The following SHTN1 variants were observed in gnomAD, a reference collection of about 807,000 sequenced individuals.
The protein encoded by SHTN1 is shootin-1.
SHTN1 carries 42 observed loss-of-function variants against 83.1 expected under a neutral mutation model. The observed-to-expected ratio is 0.51, with a 90% CI of 0.39 to 0.65. The LOEUF (loss-of-function observed/expected upper bound fraction) is 0.65, where lower values mean the gene tolerates loss of function less well. SHTN1 is among the 30% of genes least tolerant of loss of function. SHTN1 has a pLI of 0.00. For missense variants in SHTN1, 622 were observed against 737.8 expected (o/e 0.84, Z 1.82); for synonymous variants, 224 against 247.7 (o/e 0.90, Z 0.90).
Position 116,909,792 on chromosome 10 carries a change from T to C in SHTN1, c.1359+1998A>G, listed in dbSNP as rs143374570. Reference sequence around the variant, plus strand: ...GGCCAAATCACTAAGTCTTACAACTTGGGTCACATTCCATTTCATCAAAAA... The same window carrying C: ...GGCCAAATCACTAAGTCTTACAACTCGGGTCACATTCCATTTCATCAAAAA... On this transcript the variant is annotated intron_variant, in intron 14 of 16. Coordinates refer to ENST00000355371, the MANE Select transcript of SHTN1 (RefSeq NM_001127211.3). Among the ~76,000 whole-genome samples the C allele has an allele frequency of 3.6e-3, 548 of 152,304 alleles. 2 individuals carry two copies. Among genetic ancestry groups the C allele is most frequent in the Middle Eastern group, 0.01 (3 of 294 alleles).
rs565946527 is a variant in SHTN1 at position 117,001,480 on chromosome 10, G to A, written c.58+3542C>T. ...AACCTTATTCACCACACCACTAAAG[G>A]CTTCACGTTAGGGAAGGCTGCTGTC... On this transcript the variant is annotated intron_variant, in intron 1 of 16. Transcript: ENST00000355371. 2.0e-5 allele frequency among the ~76,000 whole-genome samples: 3 copies of A among 152,176 alleles called. No homozygotes were observed. In the South Asian group the frequency reaches 6.2e-4, roughly 32 times the overall value.
chr10:116,946,564 TATAAATATATAAAATGATTTATATATAA>T (rs1564890819), intron 7 of SHTN1, among the ~76,000 whole-genome samples: 1 of 123,034 alleles, frequency 8.1e-6, no homozygotes, highest in African/African-American at 3.1e-5. Flanking sequence ...ATGATTTATA[TATAAATATATAAAATGATTTATATATAA>T]ATATATAAAA....
At chr10:116,968,742 A>G (rs1208310094) in intron 2 of SHTN1, 30 bp from the exon 3 acceptor site, 2 of 1,560,566 alleles carry the variant, frequency 1.3e-6, no homozygotes, top group East Asian at 2.2e-5. Flanking sequence ...CAAATGTTAA[A>G]CTTCAATCAT....
Position 116,965,587 on chromosome 10 carries a change from T to G in SHTN1, c.172+3065A>C, listed in dbSNP as rs894278066. Among the ~76,000 whole-genome samples, 5 of 152,204 alleles carry G rather than the reference T, an allele frequency of 3.3e-5. No individual in the cohort carries two copies. In the South Asian group the frequency reaches 8.3e-4, roughly 25 times the overall value. ...ATTTCAACTCAGCACCAAAAGAAAC[T>G]TCCTCCATCACTATCCAAATGTGGA... On this transcript the variant is annotated intron_variant, in intron 3 of 16. Transcript: ENST00000355371.
chr10:117,078,788 T>C lies in SHTN1; in HGVS notation c.-188-30278A>G, dbSNP rs148528719. 3.3e-4 allele frequency among the ~76,000 whole-genome samples: 50 copies of C among 152,290 alleles called. 1 individual carries two copies. In the East Asian group the frequency reaches 9.1e-3, roughly 28 times the overall value. On this transcript the variant is annotated intron_variant, in intron 1 of 17. Transcript: ENST00000392901. ...AAATATAAATAAATTATTTATTTAA[T>C]ATATGAAGATCTGTTCCATATTTAT...
At chr10:117,040,817 CTT>C (rs1852572840) in intron 2 of SHTN1, among the ~76,000 whole-genome samples, 1 of 151,854 alleles carries the variant, frequency 6.6e-6, no homozygotes, top group South Asian at 2.1e-4. Context: ...GATTTTGTCA[CTT>C]TTTTATTGAA....
At position 116,885,994 on chromosome 10, in the gene SHTN1, C is replaced by G; in HGVS notation, c.*350G>C. The G allele has an allele frequency of 4.3e-6, 1 of 232,382 alleles. No homozygotes were observed. The highest frequency in any genetic ancestry group is 8.4e-6 in the Non-Finnish European group (1 of 119,622). 14.4% of individuals were successfully genotyped at this position (232,382 alleles called of 1,614,324 possible). A position where few individuals can be genotyped will look rare whatever the true frequency, so the allele number is the denominator to read the frequency against. On this transcript the variant is annotated 3_prime_UTR_variant, in exon 17 of 17. Coordinates refer to ENST00000355371, the MANE Select transcript of SHTN1 (RefSeq NM_001127211.3). ...TGTTTATCCGATTATATACAAGCAC[C>G]TCAAACTTTCAGCATTCCATTTGAT...
chr10:116,927,875 T>A lies in SHTN1; in HGVS notation c.1029A>T (p.Lys343Asn). ...CTGAATTCTCAGACTGGTTCACTCG[T>A]TTCTGGAGTTCATCAACTGCACAGA... ...NLKHSVDELQ[K>N]RVNQSENSVP... is the part of the protein sequence containing the mutation. Residue 343 changes from lysine (K) to asparagine (N), a missense_variant, in exon 11 of 17, where the codon AAA (lysine) becomes AAT (asparagine). Physicochemically the swap from Lys to Asn is moderately conservative, Grantham distance 94. Around this residue, in one of 3 missense-constraint regions of SHTN1, gnomAD observed 383 missense variants for 455.8 expected, o/e 0.84. Coordinates refer to ENST00000355371, the MANE Select transcript of SHTN1 (RefSeq NM_001127211.3). The A allele has an allele frequency of 6.2e-7, 1 of 1,612,550 alleles. No individual in the cohort carries two copies.
intron 1 of SHTN1, among the ~76,000 whole-genome samples, chr10:117,109,506 C>T (rs1459239282): frequency 1.3e-5 from 1 of 78,200 alleles, no homozygotes; most frequent in East Asian, 3.4e-4. Context: ...TTTATATTGT[C>T]TTTTTTATAC....
At chr10:116,925,966 C>T (rs1848730204) in intron 11 of SHTN1, among the ~76,000 whole-genome samples, 1 of 151,594 alleles carries the variant, frequency 6.6e-6, no homozygotes, top group African/African-American at 2.4e-5. Context: ...AATACATGTG[C>T]AAATATACCT....
chr10:117,024,424 G>C (rs1476256461), intron 2 of SHTN1, among the ~76,000 whole-genome samples: 2 of 140,440 alleles, frequency 1.4e-5, no homozygotes, highest in Non-Finnish European at 3.0e-5. Context: ...GCGCAGTCTC[G>C]GCTCACTGCA....
intron 3 of SHTN1, among the ~76,000 whole-genome samples, chr10:116,967,284 A>G (rs1417223551): frequency 1.3e-5 from 2 of 152,186 alleles, no homozygotes; most frequent in Admixed American, 6.5e-5. Context: ...ACAGATTTAC[A>G]TTACATAAAA....
At chr10:116,986,698 A>G (rs1411754981) in intron 1 of SHTN1, among the ~76,000 whole-genome samples, 1 of 147,308 alleles carries the variant, frequency 6.8e-6, no homozygotes, top group Non-Finnish European at 1.5e-5. Flanking sequence ...CCTGGGCAAC[A>G]TAGCAAAACC....
chr10:117,065,484 G>A (rs1282396173), intron 1 of SHTN1, among the ~76,000 whole-genome samples: 1 of 151,396 alleles, frequency 6.6e-6, no homozygotes, highest in African/African-American at 2.4e-5. Context: ...TTGGGAGGCC[G>A]AGGCAAGTGG....
At chr10:117,083,565 G>A (rs1315019037) in intron 1 of SHTN1, among the ~76,000 whole-genome samples, 1 of 151,764 alleles carries the variant, frequency 6.6e-6, no homozygotes, top group East Asian at 1.9e-4. Flanking sequence ...TGTATTTCCT[G>A]AATCTGAACA....
intron 1 of SHTN1, among the ~76,000 whole-genome samples, chr10:117,067,276 G>A (rs1589918343): frequency 6.6e-6 from 1 of 152,286 alleles, no homozygotes; most frequent in South Asian, 2.1e-4. Context: ...AAGGAGGGTG[G>A]CAATGGCCAG....
chr10:117,000,221 T>C (rs561321816), intron 1 of SHTN1, among the ~76,000 whole-genome samples: 3 of 152,326 alleles, frequency 2.0e-5, no homozygotes, highest in African/African-American at 7.2e-5. Flanking sequence ...GCACCCAAGA[T>C]TGTCAATGCT....
chr10:116,970,204 T>C (rs1047512706), intron 2 of SHTN1, among the ~76,000 whole-genome samples: 2 of 152,174 alleles, frequency 1.3e-5, no homozygotes, highest in Admixed American at 1.3e-4. Context: ...ATTGGTATAA[T>C]TACTTTGGAA....
intron 1 of SHTN1, among the ~76,000 whole-genome samples, chr10:117,089,226 T>C (rs1853393442): frequency 6.6e-6 from 1 of 152,200 alleles, no homozygotes. Flanking sequence ...CTAATCTTGA[T>C]TGTGGTGTTG....
Sources: allele counts gnomAD v4.1 joint callset (sites outside exome capture counted in the v4.1 genomes callset), GRCh38; gene constraint gnomAD v4.1.1; regional missense constraint gnomAD v4.1.1; transcripts MANE v1.5; gene names NCBI Gene and HGNC (gene_info 2026-07-23, HGNC 2026-07-21).